Variants in PRPSAP2 observed in about 807,000 individuals in gnomAD.
PRPSAP2 encodes phosphoribosyl pyrophosphate synthase-associated protein 2.
A neutral mutation model predicts 40.6 loss-of-function variants in PRPSAP2; 24 were observed. That is an observed-to-expected ratio of 0.59 (90% CI 0.43 to 0.83). The LOEUF (loss-of-function observed/expected upper bound fraction) is 0.83, where lower values mean the gene tolerates loss of function less well. Among genes scored for constraint, PRPSAP2 ranks in the 40% least tolerant of loss-of-function variants. The pLI is 0.00. For missense variants in PRPSAP2, 292 were observed against 465.6 expected, an observed-to-expected ratio of 0.63 and a Z score of 3.43; for synonymous variants, 149 against 164.7, an observed-to-expected ratio of 0.90 and a Z score of 0.73.
chr17:18,923,141 G>A (rs1474298426), intron 9 of PRPSAP2, among the ~76,000 whole-genome samples: 2 of 151,170 alleles, frequency 1.3e-5, no homozygotes, highest in Non-Finnish European at 2.9e-5. Flanking sequence ...CCAGGCTAGA[G>A]TGCAGTGGCA....
chr17:18,917,347 T>C (rs1184660606), intron 9 of PRPSAP2: 4 of 150,818 alleles, frequency 2.7e-5, no homozygotes, highest in Non-Finnish European at 5.9e-5. Context: ...AGCATCTTAA[T>C]AGGGGAACAG....
chr17:18,910,449 A>T (rs1417339776), intron 8 of PRPSAP2, among the ~76,000 whole-genome samples: 1 of 152,194 alleles, frequency 6.6e-6, no homozygotes, highest in African/African-American at 2.4e-5. Flanking sequence ...AAAAAAAGGC[A>T]ACTTTATGAT....
At chr17:18,902,052 G>A (rs762498687) in intron 8 of PRPSAP2, among the ~76,000 whole-genome samples, 26 of 147,628 alleles carry the variant, frequency 1.8e-4, no homozygotes, top group Non-Finnish European at 3.3e-4. Context: ...CTAAAGTTCC[G>A]GGATTACAGG....
chr17:18,883,058 A>G (rs1356488174), intron 7 of PRPSAP2, among the ~76,000 whole-genome samples: 1 of 152,126 alleles, frequency 6.6e-6, no homozygotes, highest in Admixed American at 6.6e-5. Context: ...CCTCCCAGCA[A>G]GAAAACTAGA....
At chr17:18,896,690 G>A (rs2039930153) in intron 8 of PRPSAP2, among the ~76,000 whole-genome samples, 1 of 151,532 alleles carries the variant, frequency 6.6e-6, no homozygotes, top group Admixed American at 6.6e-5. Flanking sequence ...CTACTCTGGG[G>A]ATGGGACTAT....
At chr17:18,861,149 A>T (rs984800608) in intron 1 of PRPSAP2, among the ~76,000 whole-genome samples, 3 of 152,110 alleles carry the variant, frequency 2.0e-5, no homozygotes, top group Non-Finnish European at 2.9e-5. Context: ...TACCAACAGG[A>T]GAAAGGAGAA....
chr17:18,885,429 A>AAAAAAAT (rs59891086), intron 7 of PRPSAP2, among the ~76,000 whole-genome samples: 1,426 of 109,256 alleles, frequency 0.013, 195 homozygotes, highest in Non-Finnish European at 0.017. Flanking sequence ...AAAAAAAAAA[A>AAAAAAAT]TTAATATGTG....
rs536423827 is a variant in PRPSAP2, at chr17:18,929,218, G to A, written c.951+261G>A. 1.2e-3 allele frequency among the ~76,000 whole-genome samples: 186 copies of A among 152,020 alleles called. 1 individual carries two copies. The highest frequency in any genetic ancestry group is 3.7e-3 in the African/African-American group (154 of 41,446). On this transcript the variant is annotated intron_variant, in intron 11 of 11. Transcript: ENST00000268835. ...CTAAAAATACAAAAATTAGCCGGGC[G>A]TGGTGGCACACACCTGTAATCCCAG...
At chr17:18,897,453 G>GTTGTTGATGT (rs1555555755) in intron 8 of PRPSAP2, among the ~76,000 whole-genome samples, 1 of 150,484 alleles carries the variant, frequency 6.6e-6, no homozygotes, top group African/African-American at 2.5e-5. Context: ...CTCTATAGTG[G>GTTGTTGATGT]TGTTGTTGTT....
chr17:18,900,759 G>C (rs192958978), intron 8 of PRPSAP2, among the ~76,000 whole-genome samples: 6 of 152,212 alleles, frequency 3.9e-5, no homozygotes, highest in African/African-American at 1.4e-4. Context: ...GGGTGGAAAT[G>C]CTCCCTCCAT....
At chr17:18,899,270 T>C (rs2040112487) in intron 8 of PRPSAP2, among the ~76,000 whole-genome samples, 1 of 152,048 alleles carries the variant, frequency 6.6e-6, no homozygotes, top group African/African-American at 2.4e-5. Flanking sequence ...ATTTTTATTT[T>C]TTAGTGGGTC....
rs4393623 is a variant in PRPSAP2 at position 18,872,587 on chromosome 17, A to G, written c.177A>G (p.Thr59=). 825,243 of 1,580,852 alleles carry G rather than the reference A, an allele frequency of 0.52. 218,850 individuals are homozygous for G. Among genetic ancestry groups the G allele is most frequent in the Middle Eastern group, 0.59 (3,529 of 6,006 alleles). The part of the protein sequence containing the change: ...VQVYQEPNRE[T]RVQIQESVRG... ...TCTTTTTCCTTTTCCTGCCAGAAAC[A>G]AGAGTACAAATTCAAGAGTCTGTGA... The change falls in exon 5 of 12, where the codon ACA becomes ACG. Residue 59 remains threonine (T), a synonymous_variant. Coordinates refer to ENST00000268835, the MANE Select transcript of PRPSAP2 (RefSeq NM_002767.4).
chr17:18,878,770 T>C (rs1199618919), intron 6 of PRPSAP2, among the ~76,000 whole-genome samples: 1 of 152,222 alleles, frequency 6.6e-6, no homozygotes, highest in Non-Finnish European at 1.5e-5. Context: ...TTGGTCAGGC[T>C]GGTCTCAAAC....
chr17:18,865,856 A>G lies in PRPSAP2; in HGVS notation c.23A>G (p.Glu8Gly), dbSNP rs747565574. The change falls in exon 3 of 12, where the codon GAA becomes GGA. Residue 8 changes from glutamate (E) to glycine (G), a missense_variant. Physicochemically the swap from Glu to Gly is moderately conservative, Grantham distance 98 (BLOSUM62 -2). Around this residue, in one of 2 missense-constraint regions of PRPSAP2, gnomAD observed 51 missense variants for 40.0 expected, o/e 1.28. Transcript: ENST00000268835. ...TTGATGTTTTGTGTGACGCCACCTGAATTAGAAACCAAGATGAACATAACC... is the reference window on the plus strand; with the variant it reads ...TTGATGTTTTGTGTGACGCCACCTGGATTAGAAACCAAGATGAACATAACC... MFCVTPP[E>G]LETKMNITKG... The G allele has an allele frequency of 8.6e-6, 13 of 1,519,968 alleles. 1 individual carries two copies. In the South Asian group the frequency reaches 1.6e-4, roughly 19 times the overall value. The allele number at this position is 1,519,968 out of a possible 1,614,324, so 94.2% of individuals were successfully genotyped here.
intron 5 of PRPSAP2, among the ~76,000 whole-genome samples, chr17:18,873,681 A>T (rs1163588915): frequency 6.6e-6 from 1 of 152,174 alleles, no homozygotes; most frequent in Non-Finnish European, 1.5e-5. Flanking sequence ...ATTGCATATA[A>T]AAGTGATCAT....
intron 3 of PRPSAP2, among the ~76,000 whole-genome samples, chr17:18,866,743 G>A (rs1229747356): frequency 6.6e-6 from 1 of 152,070 alleles, no homozygotes; most frequent in Non-Finnish European, 1.5e-5. Flanking sequence ...TTTAGTATGG[G>A]AGCCAAACAG....
chr17:18,892,769 C>A, intron 8 of PRPSAP2, among the ~76,000 whole-genome samples: 1 of 134,802 alleles, frequency 7.4e-6, no homozygotes, highest in Non-Finnish European at 1.6e-5. Context: ...GAGTCTCGCT[C>A]TGTCACCCAG....
chr17:18,896,082 TTTTG>T (rs2039891268), intron 8 of PRPSAP2, among the ~76,000 whole-genome samples: 1 of 152,188 alleles, frequency 6.6e-6, no homozygotes, highest in African/African-American at 2.4e-5. Context: ...ATATTTTCCT[TTTTG>T]TTTGCATGCC....
chr17:18,931,239 A>G lies in PRPSAP2; in HGVS notation c.*541A>G, dbSNP rs1044787. On this transcript the variant is annotated 3_prime_UTR_variant, in exon 12 of 12. Coordinates refer to ENST00000268835, the MANE Select transcript of PRPSAP2 (RefSeq NM_002767.4). ...AACTTTGTGTTTTGGCAATCGTTTT[A>G]TAACTAAAATAAAATGAAAGCTAAA... 0.097 allele frequency: 14,807 copies of G among 152,160 alleles called. 901 individuals are homozygous for G. The highest frequency in any genetic ancestry group is 0.17 in the African/African-American group (6,952 of 41,474). The allele number at this position is 152,160 out of a possible 1,614,324, so 9.4% of individuals were successfully genotyped here. A position where few individuals can be genotyped will look rare whatever the true frequency, so the allele number is the denominator to read the frequency against.
Sources: gnomAD v4.1 joint callset for allele counts (sites outside exome capture counted in the v4.1 genomes callset) on GRCh38, gnomAD v4.1.1 for gene constraint, gnomAD v4.1.1 regional missense constraint, MANE v1.5 for transcripts, NCBI Gene and HGNC (gene_info 2026-07-23, HGNC 2026-07-21) for gene names.